Variants in LGR5 observed in about 807,000 individuals in gnomAD.
LGR5 encodes leucine rich repeat containing G protein-coupled receptor 5, also known as leucine-rich repeat-containing G protein-coupled receptor 5.
LGR5 carries 54 observed loss-of-function variants against 76.7 expected under a neutral mutation model. The observed-to-expected ratio is 0.70, with a 90% CI of 0.57 to 0.88. LGR5 has a LOEUF of 0.88. Among genes scored for constraint, LGR5 ranks in the 40% least tolerant of loss-of-function variants. The probability of loss-of-function intolerance (pLI) is 0.00; values close to 1 mark genes in which losing one functional copy is unlikely to be tolerated. For missense variants in LGR5, 1,078 were observed against 1,073.3 expected (o/e 1.00, Z -0.06); for synonymous variants, 406 against 421.9 (o/e 0.96, Z 0.46).
At chr12:71,532,877 C>T (rs1876395082) in intron 3 of LGR5, among the ~76,000 whole-genome samples, 1 of 151,918 alleles carries the variant, frequency 6.6e-6, no homozygotes, top group African/African-American at 2.4e-5. Context: ...CTCACTTCCC[C>T]AAGTGAAAAT....
At chr12:71,484,466 C>G (rs2137266518) in intron 1 of LGR5, among the ~76,000 whole-genome samples, 1 of 152,298 alleles carries the variant, frequency 6.6e-6, no homozygotes, top group South Asian at 2.1e-4. Context: ...CCACCTCCTA[C>G]TGGTAATTCA....
chr12:71,469,098 C>T (rs1872980820), intron 1 of LGR5, among the ~76,000 whole-genome samples: 1 of 152,148 alleles, frequency 6.6e-6, no homozygotes, highest in Non-Finnish European at 1.5e-5. Flanking sequence ...TTATTTTCTA[C>T]TTCCAGAATG....
chr12:71,450,275 A>C (rs1361165210), intron 1 of LGR5, among the ~76,000 whole-genome samples: 1 of 152,182 alleles, frequency 6.6e-6, no homozygotes, highest in Admixed American at 6.5e-5. Flanking sequence ...CGTTGTTTAC[A>C]CATGTTGTGT....
chr12:71,477,897 G>A (rs1400721796), intron 1 of LGR5, among the ~76,000 whole-genome samples: 1 of 152,144 alleles, frequency 6.6e-6, no homozygotes, highest in Admixed American at 6.5e-5. Flanking sequence ...CTCTCATGGT[G>A]GATACAACTC....
At chr12:71,532,145 TTATC>T (rs1242637131) in intron 3 of LGR5, among the ~76,000 whole-genome samples, 2 of 152,188 alleles carry the variant, frequency 1.3e-5, no homozygotes, top group Non-Finnish European at 2.9e-5. Context: ...TCTATTATCT[TTATC>T]TTATTTAAAT....
intron 3 of LGR5, among the ~76,000 whole-genome samples, chr12:71,530,767 G>T (rs1167444106): frequency 6.6e-6 from 1 of 152,118 alleles, no homozygotes; most frequent in Non-Finnish European, 1.5e-5. Flanking sequence ...AAAGCCACAT[G>T]GAGGTGATGG....
At chr12:71,566,056 C>T (rs143041443) in intron 8 of LGR5, among the ~76,000 whole-genome samples, 222 of 152,240 alleles carry the variant, frequency 1.5e-3, no homozygotes, top group African/African-American at 4.9e-3. Flanking sequence ...ATTGCCAGTA[C>T]TTTGAATTAC....
intron 1 of LGR5, among the ~76,000 whole-genome samples, chr12:71,454,953 C>T (rs919579537): frequency 6.6e-5 from 10 of 151,988 alleles, no homozygotes; most frequent in Admixed American, 2.0e-4. Context: ...ATTATCACTA[C>T]GGTGCAGGGG....
At chr12:71,574,803 C>T (rs1878777651) in intron 13 of LGR5, among the ~76,000 whole-genome samples, 1 of 152,140 alleles carries the variant, frequency 6.6e-6, no homozygotes, top group Non-Finnish European at 1.5e-5. Context: ...GCCCATTTCA[C>T]AAGAACAAGA....
At chr12:71,506,547 T>G (rs1345005645) in intron 2 of LGR5, among the ~76,000 whole-genome samples, 2 of 152,178 alleles carry the variant, frequency 1.3e-5, no homozygotes, top group African/African-American at 4.8e-5. Flanking sequence ...ATGCTACTAT[T>G]AATACTTTTC....
chr12:71,490,230 C>T (rs57930615), intron 1 of LGR5, among the ~76,000 whole-genome samples: 3,476 of 152,166 alleles, frequency 0.023, 137 homozygotes, highest in African/African-American at 0.079. Flanking sequence ...GTTGTGCTAA[C>T]TTAAACTGTG....
At chr12:71,507,286 G>A (rs895377172) in intron 2 of LGR5, among the ~76,000 whole-genome samples, 4 of 152,070 alleles carry the variant, frequency 2.6e-5, no homozygotes, top group African/African-American at 4.8e-5. Context: ...GTGGAGGGAC[G>A]GTTGGAATTG....
chr12:71,552,654 A>G (rs1877548637), intron 4 of LGR5, among the ~76,000 whole-genome samples: 2 of 152,190 alleles, frequency 1.3e-5, no homozygotes, highest in African/African-American at 4.8e-5. Flanking sequence ...TTATTAGACT[A>G]GTATGTTTAG....
intron 2 of LGR5, 25 bp downstream of exon 2, chr12:71,504,710 C>T (rs1305165212): frequency 1.3e-6 from 2 of 1,540,776 alleles, no homozygotes; most frequent in African/African-American, 1.4e-5. Context: ...AGTCTTGATG[C>T]ATCCAGTCAA....
At chr12:71,566,009 G>A (rs542409322) in intron 8 of LGR5, among the ~76,000 whole-genome samples, 7 of 152,116 alleles carry the variant, frequency 4.6e-5, no homozygotes, top group South Asian at 4.1e-4. Flanking sequence ...AGTTGATATC[G>A]ATAGATAGAC....
intron 1 of LGR5, among the ~76,000 whole-genome samples, chr12:71,462,796 C>A (rs1011518441): frequency 6.6e-6 from 1 of 152,148 alleles, no homozygotes; most frequent in African/African-American, 2.4e-5. Context: ...CATCATGCTG[C>A]AACATTGTCC....
At chr12:71,508,891 T>C (rs557316980) in intron 2 of LGR5, among the ~76,000 whole-genome samples, 3 of 152,190 alleles carry the variant, frequency 2.0e-5, no homozygotes, top group South Asian at 2.1e-4. Flanking sequence ...TTACTACCTA[T>C]GCCGCAAGTT....
At chr12:71,549,000 T>C (rs560616241) in intron 4 of LGR5, among the ~76,000 whole-genome samples, 9 of 152,248 alleles carry the variant, frequency 5.9e-5, no homozygotes, top group Non-Finnish European at 1.3e-4. Context: ...GTGATGTTTA[T>C]CTTATACCCG....
intron 8 of LGR5, among the ~76,000 whole-genome samples, chr12:71,562,730 T>C (rs1268295545): frequency 1.3e-5 from 2 of 152,012 alleles, no homozygotes; most frequent in Non-Finnish European, 2.9e-5. Flanking sequence ...AAACCTGAGG[T>C]TGTGAATGAG....
Sources: allele counts gnomAD v4.1 joint callset (sites outside exome capture counted in the v4.1 genomes callset), GRCh38; gene constraint gnomAD v4.1.1; transcripts MANE v1.5; gene names NCBI Gene and HGNC (gene_info 2026-07-23, HGNC 2026-07-21).